Variants in SBF2 observed in about 807,000 individuals in gnomAD.
SBF2 encodes the protein SET binding factor 2.
Under a neutral mutation model 225.2 loss-of-function variants are expected in SBF2, and 112 were observed. The ratio of observed to expected loss-of-function variants is 0.50; its 90% CI spans 0.43 to 0.58. The LOEUF is 0.58. SBF2 is among the 20% of genes least tolerant of loss of function. The pLI is 0.00. For synonymous variants in SBF2, 763 were observed against 773.3 expected (o/e 0.99, Z 0.22); for missense variants, 1,996 against 2,206.2 (o/e 0.90, Z 1.91).
Position 9,936,920 on chromosome 11 carries a change from G to T in SBF2, c.1860+25037C>A, listed in dbSNP as rs371602905. On this transcript the variant is annotated intron_variant, in intron 16 of 39. Coordinates refer to ENST00000256190, the MANE Select transcript of SBF2 (RefSeq NM_030962.4). ...GCAAGAACTCCTTTACTCCCTTGAG[G>T]ATTAACTCAGTTAAGAAAGAGTGGC... 3.3e-5 allele frequency among the ~76,000 whole-genome samples: 5 copies of T among 152,164 alleles called. 1 individual carries two copies. The highest frequency in any genetic ancestry group is 4.1e-4 in the South Asian group (2 of 4,820).
intron 2 of SBF2, among the ~76,000 whole-genome samples, chr11:10,140,747 C>T (rs1175712705): frequency 1.3e-5 from 2 of 152,080 alleles, no homozygotes; most frequent in Non-Finnish European, 2.9e-5. Flanking sequence ...GGGGAGCAGT[C>T]TTGTGGGACT....
chr11:9,950,389 A>G (rs948942127), intron 16 of SBF2, among the ~76,000 whole-genome samples: 1 of 152,232 alleles, frequency 6.6e-6, no homozygotes, highest in African/African-American at 2.4e-5. Flanking sequence ...TTAACAAATC[A>G]GAACATCTGA....
At chr11:10,270,430 C>G (rs1962378891) in intron 1 of SBF2, among the ~76,000 whole-genome samples, 1 of 152,086 alleles carries the variant, frequency 6.6e-6, no homozygotes, top group African/African-American at 2.4e-5. Flanking sequence ...AACACAGTTA[C>G]TATTAAGTGG....
chr11:9,801,118 A>T (rs565559319), intron 32 of SBF2, among the ~76,000 whole-genome samples: 1 of 152,304 alleles, frequency 6.6e-6, no homozygotes, highest in Non-Finnish European at 1.5e-5. Flanking sequence ...AATTAATTCT[A>T]TGTCAGCATT....
chr11:10,214,601 C>T (rs1234608475), intron 1 of SBF2, among the ~76,000 whole-genome samples: 3 of 152,154 alleles, frequency 2.0e-5, no homozygotes, highest in Middle Eastern at 3.4e-3. Context: ...CCAGCCTGGG[C>T]GACAGAGAAA....
intron 1 of SBF2, among the ~76,000 whole-genome samples, chr11:10,256,885 G>A (rs547999683): frequency 2.0e-5 from 3 of 152,108 alleles, no homozygotes; most frequent in Non-Finnish European, 2.9e-5. Flanking sequence ...ATCCTATAAC[G>A]AAGTCTGACA....
At chr11:10,144,108 T>C (rs2135146857) in intron 2 of SBF2, among the ~76,000 whole-genome samples, 1 of 152,344 alleles carries the variant, frequency 6.6e-6, no homozygotes, top group Middle Eastern at 3.4e-3. Context: ...GCCTTTTCTA[T>C]TGCATTTACG....
chr11:10,209,207 A>C (rs1303087355), intron 1 of SBF2, among the ~76,000 whole-genome samples: 1 of 152,116 alleles, frequency 6.6e-6, no homozygotes, highest in Non-Finnish European at 1.5e-5. Context: ...TTCAAAATCA[A>C]GTAGGCCTTT....
At chr11:10,060,758 G>A (rs1262678600) in intron 2 of SBF2, among the ~76,000 whole-genome samples, 1 of 152,182 alleles carries the variant, frequency 6.6e-6, no homozygotes, top group African/African-American at 2.4e-5. Context: ...GCCAGGTGCG[G>A]TGGCTCATGC....
intron 2 of SBF2, among the ~76,000 whole-genome samples, chr11:10,062,485 A>C (rs1809449280): frequency 2.0e-5 from 3 of 152,204 alleles, no homozygotes; most frequent in African/African-American, 7.2e-5. Context: ...ACTTAAACAA[A>C]TTTATAAGAG....
chr11:10,035,324 TAGCCAATACC>T (rs1412349215), intron 3 of SBF2, among the ~76,000 whole-genome samples: 1 of 152,090 alleles, frequency 6.6e-6, no homozygotes, highest in African/African-American at 2.4e-5. Flanking sequence ...GAAGAAAACC[TAGCCAATACC>T]ATTCAAGACA....
chr11:10,291,041 A>T (rs1249313942), intron 1 of SBF2, among the ~76,000 whole-genome samples: 2 of 152,244 alleles, frequency 1.3e-5, no homozygotes, highest in Non-Finnish European at 2.9e-5. Context: ...TTGTTCTCAA[A>T]GAGTGATGGG....
chr11:10,226,814 G>C (rs1432674426), intron 1 of SBF2, among the ~76,000 whole-genome samples: 1 of 152,188 alleles, frequency 6.6e-6, no homozygotes, highest in African/African-American at 2.4e-5. Flanking sequence ...CTTTATAGCA[G>C]CATGATTTAT....
intron 1 of SBF2, among the ~76,000 whole-genome samples, chr11:10,267,629 TTGGA>T (rs1032625382): frequency 5.3e-4 from 80 of 151,770 alleles, no homozygotes; most frequent in African/African-American, 1.8e-3. Flanking sequence ...TTACTCCTAC[TTGGA>T]ATATAGATGG....
intron 6 of SBF2, among the ~76,000 whole-genome samples, chr11:10,018,782 C>T (rs531042891): frequency 3.9e-5 from 6 of 152,244 alleles, no homozygotes; most frequent in African/African-American, 9.6e-5. Flanking sequence ...ATTTTTACAA[C>T]GGTTTCTTTA....
At chr11:10,075,957 C>G (rs559898963) in intron 2 of SBF2, among the ~76,000 whole-genome samples, 158 of 151,936 alleles carry the variant, frequency 1.0e-3, no homozygotes, top group African/African-American at 3.6e-3. Context: ...AGCTCACCCA[C>G]TCAGAAATAG....
At chr11:9,790,424 T>C (rs1437566777) in intron 34 of SBF2, 132 bp downstream of exon 34, 2 of 737,888 alleles carry the variant, frequency 2.7e-6, no homozygotes, top group Non-Finnish European at 4.3e-6. Context: ...GTCTCAAACT[T>C]TGAAATAGCT....
At chr11:10,209,452 G>A (rs1256991588) in intron 1 of SBF2, among the ~76,000 whole-genome samples, 2 of 151,956 alleles carry the variant, frequency 1.3e-5, no homozygotes, top group Non-Finnish European at 2.9e-5. Flanking sequence ...CCTGCAAAAA[G>A]CATTACAGAT....
At chr11:10,261,921 T>C (rs1457448223) in intron 1 of SBF2, among the ~76,000 whole-genome samples, 1 of 152,176 alleles carries the variant, frequency 6.6e-6, no homozygotes, top group Admixed American at 6.5e-5. Context: ...TAGGAAAAAT[T>C]AATCTATGGC....
Sources: gnomAD v4.1 joint callset for allele counts (sites outside exome capture counted in the v4.1 genomes callset) on GRCh38, gnomAD v4.1.1 for gene constraint, MANE v1.5 for transcripts, NCBI Gene and HGNC (gene_info 2026-07-23, HGNC 2026-07-21) for gene names.